The following MYO16 variants were observed in gnomAD, a reference collection of about 807,000 sequenced individuals.
MYO16 encodes the protein myosin XVI.
MYO16 carries 94 observed loss-of-function variants against 205.3 expected under a neutral mutation model. That is an observed-to-expected ratio of 0.46 (90% CI 0.39 to 0.54). The LOEUF is 0.54. MYO16 is among the 20% of genes least tolerant of loss of function. The pLI is 0.00. For synonymous variants in MYO16, 988 were observed against 954.0 expected, an observed-to-expected ratio of 1.04 and a Z score of -0.66; for missense variants, 2,315 against 2,387.5, an observed-to-expected ratio of 0.97 and a Z score of 0.63.
At chr13:109,014,325 C>G (rs901959460) in intron 22 of MYO16, among the ~76,000 whole-genome samples, 1 of 152,016 alleles carries the variant, frequency 6.6e-6, no homozygotes, top group Non-Finnish European at 1.5e-5. Context: ...ATTGGTCTAT[C>G]TCTCTGTTTT....
intron 1 of MYO16, among the ~76,000 whole-genome samples, chr13:108,614,850 T>A (rs905458212): frequency 1.2e-5 from 1 of 81,344 alleles, no homozygotes; most frequent in Non-Finnish European, 2.7e-5. Context: ...ATGCAGTGGC[T>A]ACAGTTTTTA....
At chr13:108,583,684 T>A in the MYO16 span, among the ~76,000 whole-genome samples, 1 of 152,222 alleles carries the variant, frequency 6.6e-6, no homozygotes, top group African/African-American at 2.4e-5. Flanking sequence ...GATAATAATT[T>A]GCTCATTTTT....
At chr13:108,954,146 GTAAAA>G in intron 16 of MYO16, among the ~76,000 whole-genome samples, 1 of 152,314 alleles carries the variant, frequency 6.6e-6, no homozygotes, top group South Asian at 2.1e-4. Flanking sequence ...AGGCTAAAAA[GTAAAA>G]TAAAATGGAG....
At chr13:108,961,514 TTCTC>T in intron 17 of MYO16, 21 bp from the exon 18 acceptor site, 4 of 1,582,314 alleles carry the variant, frequency 2.5e-6, no homozygotes, top group Non-Finnish European at 3.5e-6. Flanking sequence ...ACCCTATTCA[TTCTC>T]TCTGTTTGTA....
intron 4 of MYO16, among the ~76,000 whole-genome samples, chr13:108,737,564 A>G (rs1472672021): frequency 3.9e-5 from 6 of 152,180 alleles, no homozygotes; most frequent in Non-Finnish European, 8.8e-5. Flanking sequence ...GGATTTTTGC[A>G]TCAATGTTCA....
intron 20 of MYO16, among the ~76,000 whole-genome samples, chr13:108,973,971 G>A (rs1454900609): frequency 2.0e-5 from 3 of 151,804 alleles, no homozygotes; most frequent in African/African-American, 7.3e-5. Context: ...GTGGCATTTT[G>A]GATAATCCAT....
chr13:108,774,145 G>A (rs12876242), intron 4 of MYO16, among the ~76,000 whole-genome samples: 57,055 of 152,080 alleles, frequency 0.38, 11,234 homozygotes, highest in East Asian at 0.63. Flanking sequence ...GAGTATTAAT[G>A]TGTTAGAGAA....
chr13:108,610,017 A>T (rs2139316047), intron 1 of MYO16, among the ~76,000 whole-genome samples: 1 of 152,248 alleles, frequency 6.6e-6, no homozygotes, highest in Admixed American at 6.5e-5. Context: ...GAGAAACAGG[A>T]AATTATTTAG....
chr13:108,829,602 G>C (rs976402324), intron 9 of MYO16, among the ~76,000 whole-genome samples: 5 of 152,148 alleles, frequency 3.3e-5, no homozygotes, highest in Non-Finnish European at 1.5e-5. Context: ...ACCTGGGATA[G>C]AGAAGAAATG....
At chr13:108,680,951 T>A (rs1162026526) in intron 2 of MYO16, among the ~76,000 whole-genome samples, 1 of 152,234 alleles carries the variant, frequency 6.6e-6, no homozygotes, top group African/African-American at 2.4e-5. Context: ...CCAATATGAT[T>A]TTTGAGTCAA....
At chr13:108,497,055 T>A in the MYO16 span, among the ~76,000 whole-genome samples, 1 of 152,192 alleles carries the variant, frequency 6.6e-6, no homozygotes, top group Non-Finnish European at 1.5e-5. Flanking sequence ...CTTGGGACTA[T>A]TTCTGACGCT....
intron 12 of MYO16, among the ~76,000 whole-genome samples, chr13:108,877,238 C>T (rs1462190751): frequency 6.6e-6 from 1 of 152,136 alleles, no homozygotes; most frequent in Non-Finnish European, 1.5e-5. Flanking sequence ...CCCAGTTGAA[C>T]ATGAATCTTC....
At chr13:108,778,662 A>T (rs777813687) in intron 4 of MYO16, among the ~76,000 whole-genome samples, 4 of 152,180 alleles carry the variant, frequency 2.6e-5, no homozygotes, top group Non-Finnish European at 5.9e-5. Flanking sequence ...GTCTAACCAG[A>T]TATTGCCATT....
At chr13:109,077,022 C>G (rs553324410) in intron 27 of MYO16, among the ~76,000 whole-genome samples, 1 of 140,780 alleles carries the variant, frequency 7.1e-6, no homozygotes, top group African/African-American at 2.6e-5. Context: ...GATGGAGTCT[C>G]GCTCTGTCGC....
At chr13:108,818,631 G>T (rs1875777021) in intron 7 of MYO16, among the ~76,000 whole-genome samples, 1 of 152,074 alleles carries the variant, frequency 6.6e-6, no homozygotes, top group Non-Finnish European at 1.5e-5. Context: ...GGAAATATTG[G>T]TCAGAAAGAT....
chr13:108,636,469 G>A (rs898341782), intron 1 of MYO16, among the ~76,000 whole-genome samples: 6 of 138,832 alleles, frequency 4.3e-5, no homozygotes, highest in South Asian at 2.4e-4. Context: ...AACCTCCACC[G>A]CCCAGGTTCG....
chr13:108,594,867 C>A (rs1878500644), upstream of MYO16, among the ~76,000 whole-genome samples: 5 of 152,266 alleles, frequency 3.3e-5, no homozygotes, highest in Middle Eastern at 0.014. Context: ...GTGAACCAGT[C>A]TTCAGCAGCA....
chr13:108,741,787 T>C (rs1379002626), intron 4 of MYO16, among the ~76,000 whole-genome samples: 1 of 152,174 alleles, frequency 6.6e-6, no homozygotes, highest in African/African-American at 2.4e-5. Flanking sequence ...TAGAAGTCAT[T>C]GAAGCCCAGT....
chr13:109,005,564 A>T (rs1885361203), intron 21 of MYO16, among the ~76,000 whole-genome samples: 1 of 152,182 alleles, frequency 6.6e-6, no homozygotes, highest in South Asian at 2.1e-4. Flanking sequence ...ATGTGCATTC[A>T]TCATTAAAAT....
Sources: allele counts gnomAD v4.1 joint callset (sites outside exome capture counted in the v4.1 genomes callset), GRCh38; gene constraint gnomAD v4.1.1; transcripts MANE v1.5; gene names NCBI Gene and HGNC (gene_info 2026-07-23, HGNC 2026-07-21).